The following NAALADL2 variants were observed in gnomAD, a reference collection of about 807,000 sequenced individuals.
NAALADL2 encodes N-acetylated alpha-linked acidic dipeptidase like 2.
In NAALADL2, 76 loss-of-function variants were observed where a neutral mutation model predicts 87.2. That is an observed-to-expected ratio of 0.87 (90% CI 0.72 to 1.05). The LOEUF (loss-of-function observed/expected upper bound fraction) is 1.05, where lower values mean the gene tolerates loss of function less well. NAALADL2 is among the 50% of genes least tolerant of loss of function. The probability of loss-of-function intolerance (pLI) is 0.00; values close to 1 mark genes in which losing one functional copy is unlikely to be tolerated. For synonymous variants in NAALADL2, 354 were observed against 331.0 expected, an observed-to-expected ratio of 1.07 and a Z score of -0.75; for missense variants, 1,089 against 945.8, an observed-to-expected ratio of 1.15 and a Z score of -1.99.
intron 11 of NAALADL2, among the ~76,000 whole-genome samples, chr3:175,697,716 TA>T (rs1241209644): frequency 6.7e-6 from 1 of 149,422 alleles, no homozygotes; most frequent in Non-Finnish European, 1.5e-5. Flanking sequence ...TATTATTTAT[TA>T]AAAAAGCAAA....
chr3:175,618,586 A>G (rs934778726), intron 10 of NAALADL2, among the ~76,000 whole-genome samples: 2 of 152,162 alleles, frequency 1.3e-5, no homozygotes, highest in Non-Finnish European at 2.9e-5. Flanking sequence ...TGCAGGCTGA[A>G]GAAGGTTGCT....
intron 1 of NAALADL2, among the ~76,000 whole-genome samples, chr3:175,074,830 A>G (rs1314624878): frequency 6.6e-6 from 1 of 152,004 alleles, no homozygotes; most frequent in Non-Finnish European, 1.5e-5. Flanking sequence ...AATGGTTGAT[A>G]TATTATTCTT....
intron 1 of NAALADL2, among the ~76,000 whole-genome samples, chr3:175,074,982 G>T (rs576721319): frequency 6.6e-6 from 1 of 152,114 alleles, no homozygotes; most frequent in South Asian, 2.1e-4. Context: ...AATAAAATAG[G>T]TGTTAGAGAG....
chr3:174,446,219 A>G (rs1715039066), intron 1 of NAALADL2, among the ~76,000 whole-genome samples: 1 of 152,200 alleles, frequency 6.6e-6, no homozygotes, highest in Non-Finnish European at 1.5e-5. Flanking sequence ...ACAATTTGAT[A>G]GGAATATAGT....
At chr3:174,585,589 A>T (rs1390709223) in intron 2 of NAALADL2, among the ~76,000 whole-genome samples, 5 of 152,180 alleles carry the variant, frequency 3.3e-5, no homozygotes, top group Non-Finnish European at 7.3e-5. Flanking sequence ...GATCTGTGCT[A>T]GTAGTTCTCA....
intron 1 of NAALADL2, among the ~76,000 whole-genome samples, chr3:175,063,250 C>A (rs1360110921): frequency 6.6e-6 from 1 of 152,204 alleles, no homozygotes; most frequent in African/African-American, 2.4e-5. Context: ...ATTATGAAAA[C>A]ATTTTTATCG....
At chr3:175,412,927 A>ATTATTATTATTATTATTT (rs1216480862) in intron 5 of NAALADL2, among the ~76,000 whole-genome samples, 1 of 145,630 alleles carries the variant, frequency 6.9e-6, no homozygotes, top group Admixed American at 6.9e-5. Context: ...TATTATTATT[A>ATTATTATTATTATTATTT]TTTTTGAGAC....
intron 2 of NAALADL2, among the ~76,000 whole-genome samples, chr3:174,608,079 C>T (rs13093637): frequency 0.34 from 51,011 of 150,736 alleles, 9,607 homozygotes; most frequent in Middle Eastern, 0.46. Flanking sequence ...GGGTACATAA[C>T]GAAATGAAGG....
chr3:175,675,021 C>A (rs1734571450), intron 11 of NAALADL2: 1 of 151,998 alleles, frequency 6.6e-6, no homozygotes, highest in Admixed American at 6.6e-5. Context: ...GTGTGATAAA[C>A]CCAAATGTAA....
At chr3:174,816,899 T>C (rs1720873681) in intron 3 of NAALADL2, among the ~76,000 whole-genome samples, 1 of 152,208 alleles carries the variant, frequency 6.6e-6, no homozygotes, top group South Asian at 2.1e-4. Context: ...ACAGGCCTTG[T>C]AGTATTAACT....
intron 3 of NAALADL2, 29 bp from the exon 4 acceptor site, chr3:175,256,382 A>G: frequency 6.3e-7 from 1 of 1,584,564 alleles, no homozygotes; most frequent in Non-Finnish European, 8.6e-7. Context: ...CTGAGGCTTT[A>G]TTTTTCTTTG....
intron 2 of NAALADL2, among the ~76,000 whole-genome samples, chr3:174,589,201 GT>G (rs2108580346): frequency 6.6e-6 from 1 of 152,340 alleles, no homozygotes; most frequent in Admixed American, 6.5e-5. Flanking sequence ...ATCTCCTAGT[GT>G]GCTGTTTGCT....
At chr3:174,788,599 T>C (rs1717090033) in intron 3 of NAALADL2, among the ~76,000 whole-genome samples, 1 of 152,120 alleles carries the variant, frequency 6.6e-6, no homozygotes, top group African/African-American at 2.4e-5. Context: ...AACCACTCCA[T>C]TTAAAATTAT....
At chr3:175,441,480 T>C (rs980187654) in intron 5 of NAALADL2, among the ~76,000 whole-genome samples, 3 of 152,202 alleles carry the variant, frequency 2.0e-5, no homozygotes, top group Non-Finnish European at 4.4e-5. Flanking sequence ...ACGCCAGTGC[T>C]GATCTAATGT....
chr3:174,798,889 G>A (rs750043651), intron 3 of NAALADL2, among the ~76,000 whole-genome samples: 1 of 151,896 alleles, frequency 6.6e-6, no homozygotes, highest in African/African-American at 2.4e-5. Flanking sequence ...TTTTTCTTAA[G>A]CCAGGAGTGG....
intron 3 of NAALADL2, among the ~76,000 whole-genome samples, chr3:174,761,619 T>A (rs74881963): frequency 1.3e-5 from 2 of 152,242 alleles, no homozygotes; most frequent in Non-Finnish European, 2.9e-5. Context: ...TTAAGAAAAA[T>A]TTTTTTATTA....
intron 12 of NAALADL2, among the ~76,000 whole-genome samples, chr3:175,741,112 T>C (rs1295107122): frequency 2.6e-5 from 4 of 152,176 alleles, no homozygotes; most frequent in Non-Finnish European, 4.4e-5. Flanking sequence ...ACTGTCATAG[T>C]CCATTCAGGC....
At chr3:174,616,364 C>T (rs1489915779) in intron 2 of NAALADL2, among the ~76,000 whole-genome samples, 2 of 151,780 alleles carry the variant, frequency 1.3e-5, no homozygotes, top group African/African-American at 4.8e-5. Context: ...AAACATTATA[C>T]CTTATTGTAA....
intron 1 of NAALADL2, among the ~76,000 whole-genome samples, chr3:174,924,944 A>G (rs968113688): frequency 9.2e-5 from 14 of 151,918 alleles, no homozygotes; most frequent in African/African-American, 2.9e-4. Flanking sequence ...AAATTTGTTT[A>G]AGTTCTTTGT....
Sources: allele counts gnomAD v4.1 joint callset (sites outside exome capture counted in the v4.1 genomes callset), GRCh38; gene constraint gnomAD v4.1.1; transcripts MANE v1.5; gene names NCBI Gene and HGNC (gene_info 2026-07-23, HGNC 2026-07-21).